RNGTT: variants seen among roughly 807,000 people sequenced by gnomAD.
RNGTT encodes mRNA-capping enzyme.
In RNGTT, 33 loss-of-function variants were observed where a neutral mutation model predicts 79.3. That is an observed-to-expected ratio of 0.42 (90% CI 0.32 to 0.56). The LOEUF (loss-of-function observed/expected upper bound fraction) is 0.56. Ranked by LOEUF, RNGTT falls within the 20% of genes least tolerant of loss-of-function variation. The pLI, the probability that RNGTT is intolerant of heterozygous loss-of-function variation, is 0.17. For synonymous variants in RNGTT, 222 were observed against 235.9 expected (o/e 0.94, Z 0.54); for missense variants, 497 against 739.1 (o/e 0.67, Z 3.80).
At chr6:88,957,994 T>G (rs1785490700) in intron 1 of RNGTT, among the ~76,000 whole-genome samples, 1 of 152,196 alleles carries the variant, frequency 6.6e-6, no homozygotes, top group Non-Finnish European at 1.5e-5. Flanking sequence ...AAGACTATAG[T>G]AACCAAAACA....
intron 8 of RNGTT, among the ~76,000 whole-genome samples, chr6:88,888,282 T>G (rs2127932934): frequency 6.6e-6 from 1 of 152,280 alleles, no homozygotes; most frequent in Non-Finnish European, 1.5e-5. Context: ...CCACTCTTTC[T>G]CCACCCACAG....
chr6:88,955,904 G>A (rs1013702827), intron 1 of RNGTT, among the ~76,000 whole-genome samples: 1 of 151,806 alleles, frequency 6.6e-6, no homozygotes, highest in Non-Finnish European at 1.5e-5. Context: ...GCCGGGTGTG[G>A]TGGCGGGCCA....
intron 13 of RNGTT, among the ~76,000 whole-genome samples, chr6:88,720,651 A>G (rs890512686): frequency 1.3e-5 from 2 of 152,170 alleles, no homozygotes; most frequent in Admixed American, 1.3e-4. Context: ...CTATGTCATT[A>G]ATGAAATTAT....
chr6:88,875,667 T>C (rs1202152396), intron 8 of RNGTT, among the ~76,000 whole-genome samples: 2 of 152,114 alleles, frequency 1.3e-5, no homozygotes, highest in South Asian at 2.1e-4. Flanking sequence ...GAGTATTAAA[T>C]GAGATAAATG....
rs1771962501 is a variant in RNGTT, at chr6:88,609,927, G to A, written c.*2792C>T. On this transcript the variant is annotated 3_prime_UTR_variant, in exon 16 of 16. Coordinates refer to ENST00000369485, the MANE Select transcript of RNGTT (RefSeq NM_003800.5). ...TCAGAATATTTATTGCTATTGCTGA[G>A]TATTCTAAAAAATTTAAATGCATTA... Among the ~76,000 whole-genome samples, 1 of 152,112 alleles carries A rather than the reference G, an allele frequency of 6.6e-6. No individual in the cohort carries two copies. The highest frequency in any genetic ancestry group is 2.4e-5 in the African/African-American group (1 of 41,398).
chr6:88,771,330 T>C (rs1390687158), intron 12 of RNGTT, among the ~76,000 whole-genome samples: 14 of 97,580 alleles, frequency 1.4e-4, no homozygotes, highest in Admixed American at 2.8e-4. Flanking sequence ...TATATATATA[T>C]ATATATATAT....
At chr6:88,863,061 C>CA (rs1325626891) in intron 8 of RNGTT, among the ~76,000 whole-genome samples, 3 of 152,056 alleles carry the variant, frequency 2.0e-5, no homozygotes, top group African/African-American at 7.2e-5. Flanking sequence ...ACTTTAAGCC[C>CA]ACAGCTCCCT....
At chr6:88,639,639 G>C (rs1309429664) in intron 14 of RNGTT, among the ~76,000 whole-genome samples, 2 of 151,940 alleles carry the variant, frequency 1.3e-5, no homozygotes, top group Non-Finnish European at 2.9e-5. Context: ...ATATCTCCTT[G>C]GAAGGATAGA....
intron 12 of RNGTT, among the ~76,000 whole-genome samples, chr6:88,788,466 G>A (rs1018458496): frequency 3.3e-5 from 5 of 152,172 alleles, no homozygotes; most frequent in Admixed American, 1.3e-4. Context: ...GTAAAAAAGG[G>A]TGAAAATTAT....
chr6:88,700,189 C>G (rs1485728999), intron 13 of RNGTT, among the ~76,000 whole-genome samples: 1 of 152,158 alleles, frequency 6.6e-6, no homozygotes, highest in Non-Finnish European at 1.5e-5. Context: ...TTATCAACAA[C>G]TTCAAACACA....
intron 11 of RNGTT, among the ~76,000 whole-genome samples, chr6:88,843,198 C>A (rs1023713875): frequency 2.0e-5 from 3 of 150,802 alleles, no homozygotes; most frequent in African/African-American, 7.3e-5. Flanking sequence ...GCTCTCTCAT[C>A]TGCTGGAGAC....
chr6:88,729,052 T>C (rs552890753), intron 13 of RNGTT, among the ~76,000 whole-genome samples: 44 of 152,110 alleles, frequency 2.9e-4, no homozygotes, highest in Admixed American at 2.6e-3. Flanking sequence ...CCGCCTGGAG[T>C]AACACATCAT....
chr6:88,886,855 C>T (rs2127931888), intron 8 of RNGTT, among the ~76,000 whole-genome samples: 1 of 152,094 alleles, frequency 6.6e-6, no homozygotes. Context: ...TATTACCTGG[C>T]TTTACATTTC....
In RNGTT at chr6:88,714,693, C is replaced by T. The variant is rs1207021725; in HGVS notation, c.1440-36274G>A. ...TCCTGACCTCGTGATCCGCCCGCCT[C>T]GGCCTCCCAAAGTGCTGGGATTACA... On this transcript the variant is annotated intron_variant, in intron 13 of 15. Coordinates refer to ENST00000369485, the MANE Select transcript of RNGTT (RefSeq NM_003800.5). Among the ~76,000 whole-genome samples, 3 of 89,852 alleles carry T rather than the reference C, an allele frequency of 3.3e-5. 1 individual carries two copies. The highest frequency in any genetic ancestry group is 1.8e-4 in the Admixed American group (2 of 10,906). The allele number at this position is 89,852 out of a possible 152,430, so 58.9% of individuals were successfully genotyped here.
chr6:88,853,883 G>A, intron 8 of RNGTT, 119 bp from the exon 9 acceptor site: 1 of 539,418 alleles, frequency 1.9e-6, no homozygotes, highest in South Asian at 3.6e-5. Flanking sequence ...GTTCACTGGA[G>A]TCTCTTTATC....
At chr6:88,960,069 C>G (rs1203382542) in intron 1 of RNGTT, among the ~76,000 whole-genome samples, 1 of 152,174 alleles carries the variant, frequency 6.6e-6, no homozygotes, top group Non-Finnish European at 1.5e-5. Flanking sequence ...TCCTCAACCT[C>G]AAAGAATTAG....
intron 8 of RNGTT, among the ~76,000 whole-genome samples, chr6:88,874,570 C>T (rs1223453024): frequency 6.6e-6 from 1 of 151,630 alleles, no homozygotes; most frequent in Non-Finnish European, 1.5e-5. Flanking sequence ...CTTTTTTATC[C>T]AAGCCAGCAT....
At chr6:88,875,968 C>T (rs17582341) in intron 8 of RNGTT, among the ~76,000 whole-genome samples, 17 of 152,208 alleles carry the variant, frequency 1.1e-4, no homozygotes, top group African/African-American at 4.1e-4. Flanking sequence ...CACTGCTGTT[C>T]GGAGTGTATC....
At chr6:88,922,906 T>C (rs1784208582) in intron 4 of RNGTT, among the ~76,000 whole-genome samples, 1 of 152,228 alleles carries the variant, frequency 6.6e-6, no homozygotes, top group African/African-American at 2.4e-5. Context: ...ATCAATATGA[T>C]GGAAAAGCCT....
Sources: gnomAD v4.1 joint callset for allele counts (sites outside exome capture counted in the v4.1 genomes callset) on GRCh38, gnomAD v4.1.1 for gene constraint, MANE v1.5 for transcripts, NCBI Gene and HGNC (gene_info 2026-07-23, HGNC 2026-07-21) for gene names.